RRP1B: variants seen among roughly 807,000 people sequenced by gnomAD.
RRP1B encodes the protein ribosomal RNA processing protein 1 homolog B.
A neutral mutation model predicts 80.2 loss-of-function variants in RRP1B; 56 were observed. That is an observed-to-expected ratio of 0.70 (90% confidence interval 0.56 to 0.87). The LOEUF is 0.87. RRP1B is among the 40% of genes least tolerant of loss of function. The probability of loss-of-function intolerance (pLI) is 0.00; values close to 1 mark genes in which losing one functional copy is unlikely to be tolerated. For synonymous variants in RRP1B, 351 were observed against 357.6 expected (o/e 0.98, Z 0.21); for missense variants, 807 against 939.8 (o/e 0.86, Z 1.85).
Position 43,693,236 on chromosome 21 carries a change from T to A in RRP1B, c.2130T>A (p.Pro710=). The change falls in exon 16 of 16, where the codon CCT becomes CCA. Residue 710 remains proline (P), a synonymous_variant. Transcript: ENST00000340648. This position sits in a 1 kb window ranked among gnomAD's most constrained non-coding sequence, Gnocchi z 4.1. ...GTATCTTGGTCAGTCCCACGGGCCC[T>A]TCTCGAGTGGCCTTCGACCCTGAAC... ...DKSILVSPTG[P]SRVAFDPEQK... 1 of 1,613,938 alleles carries A rather than the reference T, an allele frequency of 6.2e-7. No individual in the cohort carries two copies. Among genetic ancestry groups the A allele is most frequent in the African/African-American group, 1.3e-5 (1 of 74,998 alleles).
chr21:43,664,154 A>G (rs2082968879), intron 1 of RRP1B, among the ~76,000 whole-genome samples: 1 of 152,024 alleles, frequency 6.6e-6, no homozygotes, highest in Admixed American at 6.6e-5. Flanking sequence ...AGGGAACAAA[A>G]TGGGCCGGGC....
chr21:43,675,224 G>T (rs538681626), intron 6 of RRP1B, 61 bp downstream of exon 6: 57 of 1,562,152 alleles, frequency 3.6e-5, no homozygotes, highest in Non-Finnish European at 4.6e-5. Context: ...CGCAGTAGTC[G>T]CCAGTGAAGT....
At position 43,686,820 on chromosome 21, in the gene RRP1B, A is replaced by G; in HGVS notation, c.1026A>G (p.Gln342=). The G allele has an allele frequency of 6.2e-7, 1 of 1,614,100 alleles. No homozygotes were observed. The highest frequency in any genetic ancestry group is 8.5e-7 in the Non-Finnish European group (1 of 1,180,006). The change falls in exon 12 of 16, where the codon CAA becomes CAG. Residue 342 remains glutamine, a synonymous_variant. Coordinates refer to ENST00000340648, the MANE Select transcript of RRP1B (RefSeq NM_015056.3). ...GGCATCTAGGAAGCAGTATATCTCA[A>G]CTCAGTTTTGCGGAGGACATTTCTG... ...QDLSEGSSIS[Q]LSFAEDISAD... is the part of the protein sequence containing the mutation.
chr21:43,664,908 C>T (rs115845960), intron 1 of RRP1B, among the ~76,000 whole-genome samples: 3 of 151,660 alleles, frequency 2.0e-5, no homozygotes, highest in Admixed American at 1.3e-4. Flanking sequence ...GAGAAAAACC[C>T]GTCCCCGTGA....
chr21:43,662,823 A>G (rs1324468693), intron 1 of RRP1B, among the ~76,000 whole-genome samples: 5 of 152,220 alleles, frequency 3.3e-5, no homozygotes, highest in Admixed American at 6.5e-5. Flanking sequence ...TATTCTTGGC[A>G]CTGGGAATAT....
At chr21:43,673,182 C>G (rs531989218) in intron 3 of RRP1B, among the ~76,000 whole-genome samples, 1 of 152,026 alleles carries the variant, frequency 6.6e-6, no homozygotes, top group Non-Finnish European at 1.5e-5. Context: ...TTGTGAGGTA[C>G]CAGTGCAGTA....
chr21:43,673,299 A>C (rs1418975181), intron 3 of RRP1B, among the ~76,000 whole-genome samples: 2 of 152,176 alleles, frequency 1.3e-5, no homozygotes, highest in Admixed American at 1.3e-4. Flanking sequence ...CTGACATTGC[A>C]ATGTTGCCAG....
At chr21:43,663,688 G>A (rs1236050861) in intron 1 of RRP1B, among the ~76,000 whole-genome samples, 1 of 152,040 alleles carries the variant, frequency 6.6e-6, no homozygotes, top group Non-Finnish European at 1.5e-5. Context: ...TTCCCAAGTA[G>A]CTGGGACTAC....
chr21:43,676,716 T>A lies in RRP1B; in HGVS notation c.615-17T>A. On this transcript the variant is annotated splice_polypyrimidine_tract_variant and intron_variant, in intron 7 of 15. Coordinates refer to ENST00000340648, the MANE Select transcript of RRP1B (RefSeq NM_015056.3). ...TTTGTTCTCATCACATGCTCTCCGC[T>A]GTGCTTCTACCCTCAGCCACACCCT... The A allele has an allele frequency of 6.2e-7, 1 of 1,610,822 alleles. No individual in the cohort carries two copies.
chr21:43,671,428 C>T (rs2082998985), intron 2 of RRP1B, among the ~76,000 whole-genome samples: 1 of 148,648 alleles, frequency 6.7e-6, no homozygotes, highest in Non-Finnish European at 1.5e-5. Context: ...TGCAGGGGTG[C>T]CATCATGGCT....
In RRP1B at chr21:43,691,645, T is replaced by C; in HGVS notation, c.2083+143T>C. On this transcript the variant is annotated intron_variant, in intron 15 of 15. Coordinates refer to ENST00000340648, the MANE Select transcript of RRP1B (RefSeq NM_015056.3). The surrounding 1 kb of genome is among the most constrained non-coding windows in gnomAD (Gnocchi z 4.2). ...CCCATTTCTTTATTTTTATTTTTTTTTTTTTTTTGAGACAGAGTCTCGCTG... is the reference window on the plus strand; with the variant it reads ...CCCATTTCTTTATTTTTATTTTTTTCTTTTTTTTGAGACAGAGTCTCGCTG... 1 of 625,562 alleles carries C rather than the reference T, an allele frequency of 1.6e-6. No individual in the cohort carries two copies. The highest frequency in any genetic ancestry group is 2.7e-6 in the Non-Finnish European group (1 of 372,168). The allele number at this position is 625,562 out of a possible 1,614,324, so 38.8% of individuals were successfully genotyped here.
intron 1 of RRP1B, among the ~76,000 whole-genome samples, chr21:43,664,490 T>C (rs571566196): frequency 6.6e-6 from 1 of 152,200 alleles, no homozygotes; most frequent in South Asian, 2.1e-4. Flanking sequence ...CAATAAATCT[T>C]TCATATAGTA....
chr21:43,689,486 G>C (rs1431395255), intron 13 of RRP1B, among the ~76,000 whole-genome samples: 1 of 152,154 alleles, frequency 6.6e-6, no homozygotes, highest in Non-Finnish European at 1.5e-5. Context: ...TTCTAGCCTC[G>C]AGTCTCTCCT....
intron 8 of RRP1B, among the ~76,000 whole-genome samples, chr21:43,679,008 G>A (rs914527563): frequency 3.9e-5 from 6 of 152,072 alleles, no homozygotes; most frequent in African/African-American, 1.4e-4. Flanking sequence ...TTTTGAATAG[G>A]GTGTCCTTTC....
At chr21:43,661,721 A>G (rs2082958403) in intron 1 of RRP1B, among the ~76,000 whole-genome samples, 1 of 152,194 alleles carries the variant, frequency 6.6e-6, no homozygotes, top group African/African-American at 2.4e-5. Context: ...TTTGAAATTC[A>G]GTGTCTGCAA....
intron 4 of RRP1B, among the ~76,000 whole-genome samples, chr21:43,674,276 C>T (rs1358953453): frequency 6.6e-6 from 1 of 152,200 alleles, no homozygotes; most frequent in East Asian, 1.9e-4. Context: ...CATGCCTCGG[C>T]CTCCTGAGTA....
At chr21:43,679,948 C>T (rs1246643245) in intron 8 of RRP1B, among the ~76,000 whole-genome samples, 1 of 152,040 alleles carries the variant, frequency 6.6e-6, no homozygotes, top group Non-Finnish European at 1.5e-5. Flanking sequence ...GGTTTTTTTG[C>T]AGCTGTTGTA....
chr21:43,689,461 C>T lies in RRP1B; in HGVS notation c.1867-827C>T, dbSNP rs58217810. 7.6e-3 allele frequency among the ~76,000 whole-genome samples: 1,163 copies of T among 152,304 alleles called. 11 individuals are homozygous for T. Among genetic ancestry groups the T allele is most frequent in the African/African-American group, 0.025 (1,045 of 41,548 alleles). ...AGGGGCAGCAGTGCACTGAGCTGGA[C>T]GGCAGGAGGCCCATTTCTAGCCTCG... On this transcript the variant is annotated intron_variant, in intron 13 of 15. Coordinates refer to ENST00000340648, the MANE Select transcript of RRP1B (RefSeq NM_015056.3).
intron 8 of RRP1B, among the ~76,000 whole-genome samples, chr21:43,678,022 G>T (rs2083029279): frequency 6.6e-6 from 1 of 152,180 alleles, no homozygotes. Context: ...TAGATACCCT[G>T]CAGTGGAACT....
Sources: allele counts gnomAD v4.1 joint callset (sites outside exome capture counted in the v4.1 genomes callset), GRCh38; gene constraint gnomAD v4.1.1; non-coding constraint Gnocchi (gnomAD v3.1); transcripts MANE v1.5; gene names NCBI Gene and HGNC (gene_info 2026-07-23, HGNC 2026-07-21).